The following PTPRD variants were observed in gnomAD, a reference collection of about 807,000 sequenced individuals.
The protein encoded by PTPRD is protein tyrosine phosphatase receptor type D.
A neutral mutation model predicts 214.5 loss-of-function variants in PTPRD; 34 were observed. That is an observed-to-expected ratio of 0.16 (90% confidence interval 0.12 to 0.21). The LOEUF is 0.21. Ranked by LOEUF, PTPRD falls within the 10% of genes least tolerant of loss-of-function variation. The probability of loss-of-function intolerance (pLI) is 1.00; values close to 1 mark genes in which losing one functional copy is unlikely to be tolerated. For missense variants in PTPRD, 2,545 were observed against 2,398.7 expected, an observed-to-expected ratio of 1.06 and a Z score of -1.27; for synonymous variants, 1,128 against 845.7, an observed-to-expected ratio of 1.33 and a Z score of -5.79.
intron 10 of PTPRD, among the ~76,000 whole-genome samples, chr9:9,145,595 G>A (rs1231793911): frequency 6.6e-6 from 1 of 151,942 alleles, no homozygotes; most frequent in Non-Finnish European, 1.5e-5. Flanking sequence ...AAGCTGCTAG[G>A]CCAATAATAA....
At chr9:10,122,460 G>T (rs1449067424) in intron 3 of PTPRD, among the ~76,000 whole-genome samples, 4 of 152,032 alleles carry the variant, frequency 2.6e-5, no homozygotes, top group Admixed American at 6.6e-5. Flanking sequence ...GGAAAGTATG[G>T]TTCTAGATGT....
At chr9:8,730,784 GCACTACCTAAAC>G (rs1373501461) in intron 12 of PTPRD, among the ~76,000 whole-genome samples, 3 of 152,116 alleles carry the variant, frequency 2.0e-5, no homozygotes, top group African/African-American at 4.8e-5. Flanking sequence ...GGTTCTCGGA[GCACTACCTAAAC>G]CACAAAACTG....
chr9:9,110,818 G>A (rs1255893841), intron 10 of PTPRD, among the ~76,000 whole-genome samples: 1 of 152,116 alleles, frequency 6.6e-6, no homozygotes, highest in African/African-American at 2.4e-5. Flanking sequence ...TCCAGCTTAT[G>A]CCTGTTTTTG....
At chr9:9,897,094 A>G (rs1601372698) in intron 5 of PTPRD, among the ~76,000 whole-genome samples, 1 of 150,030 alleles carries the variant, frequency 6.7e-6, no homozygotes, top group South Asian at 2.1e-4. Context: ...GGAAGTAAAC[A>G]CTTCCCTGTC....
chr9:9,588,482 C>G (rs1197538515), intron 7 of PTPRD, among the ~76,000 whole-genome samples: 1 of 151,834 alleles, frequency 6.6e-6, no homozygotes, highest in Non-Finnish European at 1.5e-5. Context: ...ATGTGCCAAT[C>G]CAAATTTTAT....
At chr9:9,404,753 C>A (rs555345180) in intron 8 of PTPRD, among the ~76,000 whole-genome samples, 4 of 151,944 alleles carry the variant, frequency 2.6e-5, no homozygotes, top group Admixed American at 2.0e-4. Flanking sequence ...TGTATGAAGT[C>A]AAGGGAATTG....
At chr9:9,285,642 A>G (rs999226338) in intron 9 of PTPRD, among the ~76,000 whole-genome samples, 2 of 151,460 alleles carry the variant, frequency 1.3e-5, no homozygotes, top group Non-Finnish European at 3.0e-5. Context: ...AATTCTTTCT[A>G]TTCTTGTTTC....
intron 5 of PTPRD, among the ~76,000 whole-genome samples, chr9:9,815,071 A>G (rs1481095937): frequency 6.6e-6 from 1 of 152,112 alleles, no homozygotes; most frequent in Non-Finnish European, 1.5e-5. Flanking sequence ...AGTAAAAACA[A>G]CAAAGCTTGA....
intron 5 of PTPRD, among the ~76,000 whole-genome samples, chr9:9,910,429 T>A (rs1314160879): frequency 2.6e-5 from 4 of 151,934 alleles, no homozygotes; most frequent in African/African-American, 9.7e-5. Context: ...ATCCCACGAT[T>A]TTCTAGAAGA....
chr9:8,441,847 T>C (rs1416689064), intron 34 of PTPRD, among the ~76,000 whole-genome samples: 1 of 152,180 alleles, frequency 6.6e-6, no homozygotes, highest in Non-Finnish European at 1.5e-5. Context: ...ATGAGGAATC[T>C]GATCCCATAC....
chr9:9,693,629 T>C (rs761916018), intron 7 of PTPRD, among the ~76,000 whole-genome samples: 1 of 152,186 alleles, frequency 6.6e-6, no homozygotes, highest in Non-Finnish European at 1.5e-5. Context: ...TGTTAATATA[T>C]TTCTCTAGGT....
chr9:9,876,021 T>C (rs1343081697), intron 5 of PTPRD, among the ~76,000 whole-genome samples: 1 of 151,978 alleles, frequency 6.6e-6, no homozygotes, highest in Admixed American at 6.6e-5. Flanking sequence ...GCTTAATTCA[T>C]TATTGTAAGA....
chr9:9,995,399 T>A (rs1381974709), intron 4 of PTPRD, among the ~76,000 whole-genome samples: 1 of 152,226 alleles, frequency 6.6e-6, no homozygotes, highest in Non-Finnish European at 1.5e-5. Context: ...TTTGTCATGC[T>A]AATTCATGAG....
At chr9:9,944,660 G>A (rs1224928966) in intron 4 of PTPRD, among the ~76,000 whole-genome samples, 1 of 151,928 alleles carries the variant, frequency 6.6e-6, no homozygotes, top group East Asian at 1.9e-4. Flanking sequence ...TCTAAGAAGA[G>A]AGCATACATA....
chr9:9,151,704 G>A (rs1414683301), intron 10 of PTPRD, among the ~76,000 whole-genome samples: 1 of 152,168 alleles, frequency 6.6e-6, no homozygotes, highest in Non-Finnish European at 1.5e-5. Flanking sequence ...TGATGAGACA[G>A]GTTTTGTTTT....
chr9:10,452,850 T>C (rs1788915789), intron 2 of PTPRD, among the ~76,000 whole-genome samples: 1 of 151,774 alleles, frequency 6.6e-6, no homozygotes, highest in Non-Finnish European at 1.5e-5. Flanking sequence ...ATGTTTATTT[T>C]TGCTTTTGTT....
At chr9:9,883,494 T>C (rs375742026) in intron 5 of PTPRD, among the ~76,000 whole-genome samples, 2 of 152,126 alleles carry the variant, frequency 1.3e-5, no homozygotes, top group South Asian at 2.1e-4. Context: ...GGATACTAAA[T>C]GTGCAAAGAT....
In PTPRD at chr9:8,385,033, C is replaced by T. The variant is rs139776748; in HGVS notation, c.4386+4199G>A. Among the ~76,000 whole-genome samples, 335 of 152,252 alleles carry T rather than the reference C, an allele frequency of 2.2e-3. 2 individuals carry two copies. The highest frequency in any genetic ancestry group is 7.7e-3 in the African/African-American group (318 of 41,540). On this transcript the variant is annotated intron_variant, in intron 37 of 45. Transcript: ENST00000381196. The stretch of plus-strand genomic sequence containing the variant: ...ATGTTTTCAAATAATCAACTTAAGT[C>T]CTAAGTCATAGTTCACACTTATAAG...
intron 8 of PTPRD, among the ~76,000 whole-genome samples, chr9:9,508,210 A>T (rs1245703156): frequency 2.0e-5 from 3 of 151,474 alleles, no homozygotes; most frequent in Non-Finnish European, 4.4e-5. Context: ...TGTAAAGATA[A>T]TTTTTAAATT....
Sources: allele counts gnomAD v4.1 joint callset (sites outside exome capture counted in the v4.1 genomes callset), GRCh38; gene constraint gnomAD v4.1.1; transcripts MANE v1.5; gene names NCBI Gene and HGNC (gene_info 2026-07-23, HGNC 2026-07-21).